MXD4: variants seen among roughly 807,000 people sequenced by gnomAD.
MXD4 encodes Mad4 homolog.
Under a neutral mutation model 24.5 loss-of-function variants are expected in MXD4, and 16 were observed. The observed-to-expected ratio is 0.65, with a 90% CI of 0.44 to 0.99. MXD4 has a LOEUF of 0.99. MXD4 is among the 50% of genes least tolerant of loss of function. MXD4 has a pLI of 0.00. For missense variants in MXD4, 301 were observed against 301.5 expected, an observed-to-expected ratio of 1.00 and a Z score of 0.01; for synonymous variants, 164 against 134.2, an observed-to-expected ratio of 1.22 and a Z score of -1.54.
intron 2 of MXD4, among the ~76,000 whole-genome samples, chr4:2,260,368 G>A (rs1169449098): frequency 1.3e-5 from 2 of 152,256 alleles, no homozygotes; most frequent in Non-Finnish European, 2.9e-5. Context: ...ACCTCTCTGA[G>A]CCTGGGGTGA....
chr4:2,255,331 G>A (rs1382315932), intron 3 of MXD4: 9 of 456,268 alleles, frequency 2.0e-5, no homozygotes, highest in Admixed American at 1.4e-4. Context: ...TGAACAGACC[G>A]CTTTAGAAAT....
At chr4:2,260,182 G>C (rs115611437) in intron 2 of MXD4, among the ~76,000 whole-genome samples, 1 of 152,226 alleles carries the variant, frequency 6.6e-6, no homozygotes, top group Non-Finnish European at 1.5e-5. Context: ...ATGCACCAGA[G>C]TTGGGGAGCC....
rs549784362 is a variant in MXD4, at chr4:2,251,145, G to A, written c.411C>T (p.Ser137=). 8 of 1,600,396 alleles carry A rather than the reference G, an allele frequency of 5.0e-6. No homozygotes were observed. Among genetic ancestry groups the A allele is most frequent in the Admixed American group, 3.4e-5 (2 of 58,614 alleles). ...TGCTATCTGTGCGCACGCGCTCCACGCTCTGCACCGACAGCTGCTCCAGGC... is the reference window on the plus strand; with the variant it reads ...TGCTATCTGTGCGCACGCGCTCCACACTCTGCACCGACAGCTGCTCCAGGC... ...KRRLEQLSVQ[S]VERVRTDSTG... is the part of the protein sequence containing the mutation. The change falls in exon 5 of 6, where the codon AGC becomes AGT. Residue 137 remains serine (S), a synonymous_variant. Transcript: ENST00000337190.
rs752971638 is a variant in MXD4 at position 2,261,981 on chromosome 4, C to T, written c.-1G>A. ...GGATCAGCAGGGAGTTCAGCTCCAT[C>T]CTCCCGCCCGCGCCCGTCCGCCCCG... On this transcript the variant is annotated 5_prime_UTR_variant, in exon 1 of 6. Coordinates refer to ENST00000337190, the MANE Select transcript of MXD4 (RefSeq NM_006454.3). 45 of 1,350,986 alleles carry T rather than the reference C, an allele frequency of 3.3e-5. No individual in the cohort carries two copies. The highest frequency in any genetic ancestry group is 2.1e-4 in the African/African-American group (14 of 66,072). The allele number at this position is 1,350,986 out of a possible 1,614,324, so 83.7% of individuals were successfully genotyped here.
Position 2,250,225 on chromosome 4 carries a change from G to C in MXD4, c.*319C>G. 1 of 369,236 alleles carries C rather than the reference G, an allele frequency of 2.7e-6. No individual in the cohort carries two copies. Among genetic ancestry groups the C allele is most frequent in the Non-Finnish European group, 4.9e-6 (1 of 202,552 alleles). The allele number at this position is 369,236 out of a possible 1,614,324, so 22.9% of individuals were successfully genotyped here. On this transcript the variant is annotated 3_prime_UTR_variant, in exon 6 of 6. Coordinates refer to ENST00000337190, the MANE Select transcript of MXD4 (RefSeq NM_006454.3). ...AGCCCCTCACACGGCACCTGCCGAG[G>C]TTTGCAGCAATGACGTTTAATACTT... is the stretch of plus-strand genomic sequence containing the variant.
At chr4:2,254,121 T>A (rs1735376490) in intron 3 of MXD4, 1 of 152,200 alleles carries the variant, frequency 6.6e-6, no homozygotes, top group Non-Finnish European at 1.5e-5. Context: ...AGCAAATGGC[T>A]TTCCATCCCA....
At chr4:2,254,035 A>G (rs1253968472) in intron 3 of MXD4, 1 of 152,260 alleles carries the variant, frequency 6.6e-6, no homozygotes, top group East Asian at 1.9e-4. Context: ...GCGCGTCGCC[A>G]CTGTACTGCA....
At chr4:2,261,641 G>C in intron 2 of MXD4, 84 bp downstream of exon 2, 1 of 817,374 alleles carries the variant, frequency 1.2e-6, no homozygotes, top group Non-Finnish European at 1.5e-6. Flanking sequence ...GCCGCGGGCC[G>C]GGAATCGGGG....
At chr4:2,250,828 G>C in intron 5 of MXD4, 127 bp from the exon 6 acceptor site, 1 of 1,288,986 alleles carries the variant, frequency 7.8e-7, no homozygotes, top group Non-Finnish European at 1.1e-6. Flanking sequence ...GGGCCCTGGG[G>C]CAGCAGACGC....
chr4:2,258,906 G>A (rs546778884), intron 2 of MXD4: 59 of 456,062 alleles, frequency 1.3e-4, no homozygotes, highest in African/African-American at 1.1e-3. Context: ...ATTCAGACGC[G>A]GGCACACAAT....
intron 3 of MXD4, chr4:2,252,829 T>C (rs922996989): frequency 1.3e-5 from 4 of 299,816 alleles, no homozygotes; most frequent in African/African-American, 8.9e-5. Flanking sequence ...CCATCCCCCA[T>C]CCCCACCCTG....
At chr4:2,257,936 G>T in intron 3 of MXD4, 46 bp downstream of exon 3, 1 of 1,612,546 alleles carries the variant, frequency 6.2e-7, no homozygotes. Flanking sequence ...CAGTAAAAGG[G>T]TGGGCCAGGT....
At chr4:2,259,422 G>A (rs1475986378) in intron 2 of MXD4, among the ~76,000 whole-genome samples, 1 of 152,204 alleles carries the variant, frequency 6.6e-6, no homozygotes, top group African/African-American at 2.4e-5. Context: ...GCTCCTCACT[G>A]GCCTCACAGA....
chr4:2,255,102 T>C, intron 3 of MXD4: 1 of 364,514 alleles, frequency 2.7e-6, no homozygotes, highest in Non-Finnish European at 5.4e-6. Flanking sequence ...TGTGCAGTCA[T>C]CAGGGATGAG....
intron 3 of MXD4, chr4:2,254,507 C>G (rs1054179110): frequency 1.3e-5 from 2 of 152,122 alleles, no homozygotes; most frequent in Non-Finnish European, 2.9e-5. Flanking sequence ...AAAACACACA[C>G]AGACATTGCT....
rs776934019 is a variant in MXD4 at position 2,250,604 on chromosome 4, G to A, written c.570C>T (p.Thr190=). ...ADDHYSLQSG[T]GGDSGFGPHC... ...GGGGCCCGAAGCCACTGTCGCCGCC[G>A]GTGCCACTCTGCAGGCTGTAGTGGT... Residue 190 remains threonine, a synonymous_variant, in exon 6 of 6, where the codon ACC becomes ACT. Coordinates refer to ENST00000337190, the MANE Select transcript of MXD4 (RefSeq NM_006454.3). 2.0e-5 allele frequency: 32 copies of A among 1,612,452 alleles called. No homozygotes were observed. Among genetic ancestry groups the A allele is most frequent in the South Asian group, 1.2e-4 (11 of 90,960 alleles).
chr4:2,255,358 C>T (rs1309129729), intron 3 of MXD4: 5 of 456,148 alleles, frequency 1.1e-5, no homozygotes, highest in East Asian at 6.9e-5. Context: ...ACACCTTTCT[C>T]GAGAGACAAA....
In MXD4 at chr4:2,261,974, G is replaced by A; in HGVS notation, c.7C>T (p.Leu3=). The A allele has an allele frequency of 1.5e-6, 2 of 1,379,068 alleles. No individual in the cohort carries two copies. The highest frequency in any genetic ancestry group is 1.9e-6 in the Non-Finnish European group (2 of 1,057,208). The allele number at this position is 1,379,068 out of a possible 1,614,324, so 85.4% of individuals were successfully genotyped here. Residue 3 remains leucine, a synonymous_variant, in exon 1 of 6, where the codon CTG becomes TTG. Transcript: ENST00000337190. ...TCCAGCAGGATCAGCAGGGAGTTCA[G>A]CTCCATCCTCCCGCCCGCGCCCGTC... ME[L]NSLLILLEAA... is the part of the protein sequence containing the mutation.
chr4:2,261,146 G>C (rs754736430), intron 2 of MXD4, among the ~76,000 whole-genome samples: 8 of 152,346 alleles, frequency 5.3e-5, no homozygotes, highest in East Asian at 1.9e-4. Context: ...GCTGTGTCAG[G>C]AGGCTGGGCA....
Sources: allele counts gnomAD v4.1 joint callset (sites outside exome capture counted in the v4.1 genomes callset), GRCh38; gene constraint gnomAD v4.1.1; transcripts MANE v1.5; gene names NCBI Gene and HGNC (gene_info 2026-07-23, HGNC 2026-07-21).